Variants in FEZ1 observed in about 807,000 individuals in gnomAD.
FEZ1 encodes the protein fasciculation and elongation protein zeta 1, also known as fasciculation and elongation protein zeta-1.
In FEZ1, 20 loss-of-function variants were observed where a neutral mutation model predicts 49.3. That is an observed-to-expected ratio of 0.41 (90% confidence interval 0.29 to 0.59). FEZ1 has a LOEUF of 0.59. Ranked by LOEUF, FEZ1 falls within the 20% of genes least tolerant of loss-of-function variation. The probability of loss-of-function intolerance (pLI) is 0.36; values close to 1 mark genes in which losing one functional copy is unlikely to be tolerated. For missense variants in FEZ1, 413 were observed against 476.0 expected (o/e 0.87, Z 1.23); for synonymous variants, 170 against 180.9 (o/e 0.94, Z 0.48).
chr11:125,468,045 C>T (rs1957148882), intron 3 of FEZ1, among the ~76,000 whole-genome samples: 1 of 152,146 alleles, frequency 6.6e-6, no homozygotes, highest in Non-Finnish European at 1.5e-5. Context: ...GACATATTAA[C>T]TCAAGCAAAT....
chr11:125,482,934 T>C (rs949684945), intron 2 of FEZ1, among the ~76,000 whole-genome samples: 2 of 142,468 alleles, frequency 1.4e-5, no homozygotes, highest in Non-Finnish European at 3.0e-5. Flanking sequence ...GCCATGATTG[T>C]GTCACTGCTC....
chr11:125,477,176 G>C (rs1326328454), intron 3 of FEZ1, among the ~76,000 whole-genome samples: 3 of 151,862 alleles, frequency 2.0e-5, no homozygotes, highest in Non-Finnish European at 4.4e-5. Flanking sequence ...GATCTTTCTG[G>C]TGGGGATAGA....
At chr11:125,493,539 AAAGAAAG>A (rs1957425118) in intron 1 of FEZ1, among the ~76,000 whole-genome samples, 1 of 151,088 alleles carries the variant, frequency 6.6e-6, no homozygotes, top group Non-Finnish European at 1.5e-5. Flanking sequence ...AGAAAGAAAG[AAAGAAAG>A]AAAGAAAGGT....
intron 2 of FEZ1, among the ~76,000 whole-genome samples, chr11:125,485,074 TTA>T (rs933385047): frequency 1.3e-5 from 2 of 152,314 alleles, no homozygotes; most frequent in African/African-American, 4.8e-5. Context: ...CTATTTACTC[TTA>T]CCTTGGGGAA....
chr11:125,447,868 AATGGTATT>A (rs1956912852), intron 9 of FEZ1, among the ~76,000 whole-genome samples: 1 of 152,128 alleles, frequency 6.6e-6, no homozygotes, highest in Admixed American at 6.5e-5. Context: ...TTAGTTGTGA[AATGGTATT>A]ATGGCTATGT....
intron 7 of FEZ1, chr11:125,453,340 C>G (rs1956976235): frequency 6.6e-6 from 1 of 152,206 alleles, no homozygotes; most frequent in African/African-American, 2.4e-5. Context: ...GGCCATAGTT[C>G]TCACTGCCAT....
intron 6 of FEZ1, chr11:125,455,609 T>C: frequency 3.4e-6 from 2 of 596,934 alleles, no homozygotes; most frequent in Non-Finnish European, 6.0e-6. Flanking sequence ...ATTCAATTAT[T>C]TCCTAATGTA....
intron 3 of FEZ1, among the ~76,000 whole-genome samples, chr11:125,475,275 TACAC>T (rs67243081): frequency 0.34 from 48,090 of 141,604 alleles, 8,108 homozygotes; most frequent in South Asian, 0.49. Flanking sequence ...GTCTCAAAAA[TACAC>T]ACACACACAC....
At chr11:125,485,430 T>C (rs1957318315) in intron 2 of FEZ1, among the ~76,000 whole-genome samples, 1 of 152,154 alleles carries the variant, frequency 6.6e-6, no homozygotes, top group Non-Finnish European at 1.5e-5. Flanking sequence ...ATCAGGGTTC[T>C]CTCAGTCCTG....
chr11:125,490,299 C>G (rs1371771002), intron 1 of FEZ1, among the ~76,000 whole-genome samples: 2 of 152,210 alleles, frequency 1.3e-5, no homozygotes, highest in African/African-American at 4.8e-5. Context: ...CTAAACTCAT[C>G]TGGCAACTAA....
At chr11:125,478,946 C>T (rs1417337118) in intron 3 of FEZ1, among the ~76,000 whole-genome samples, 1 of 152,196 alleles carries the variant, frequency 6.6e-6, no homozygotes, top group Non-Finnish European at 1.5e-5. Context: ...CATGACGGAC[C>T]TGATTTAATT....
At chr11:125,491,521 C>T (rs1957381975) in intron 1 of FEZ1, among the ~76,000 whole-genome samples, 1 of 152,078 alleles carries the variant, frequency 6.6e-6, no homozygotes, top group Non-Finnish European at 1.5e-5. Flanking sequence ...CTATCATACC[C>T]TTCTCTACAC....
Position 125,477,594 on chromosome 11 carries a change from C to T in FEZ1, c.411+3940G>A, listed in dbSNP as rs147022179. 3.4e-3 allele frequency among the ~76,000 whole-genome samples: 512 copies of T among 152,260 alleles called. 1 individual carries two copies. The highest frequency in any genetic ancestry group is 0.012 in the African/African-American group (485 of 41,524). ...CAAACTAACCAAAGCCAAGCCCTGCCGCCTCTACCTGACCTTTACATCCCA... is the reference window on the plus strand; with the variant it reads ...CAAACTAACCAAAGCCAAGCCCTGCTGCCTCTACCTGACCTTTACATCCCA... On this transcript the variant is annotated intron_variant, in intron 3 of 9. Coordinates refer to ENST00000278919, the MANE Select transcript of FEZ1 (RefSeq NM_005103.5).
intron 8 of FEZ1, among the ~76,000 whole-genome samples, chr11:125,451,800 A>G (rs1336239419): frequency 6.6e-6 from 1 of 152,210 alleles, no homozygotes; most frequent in African/African-American, 2.4e-5. Flanking sequence ...TTAATATTTG[A>G]CAATAGAGCA....
chr11:125,480,145 T>C (rs543223739), intron 3 of FEZ1, among the ~76,000 whole-genome samples: 2 of 151,934 alleles, frequency 1.3e-5, no homozygotes, highest in Admixed American at 1.3e-4. Flanking sequence ...AGAGTCCGAG[T>C]TGGGTGGATT....
intron 3 of FEZ1, among the ~76,000 whole-genome samples, chr11:125,464,003 G>A (rs1234522835): frequency 6.6e-6 from 1 of 152,140 alleles, no homozygotes; most frequent in African/African-American, 2.4e-5. Flanking sequence ...GTCTTACTAG[G>A]CATTTTAAGG....
rs888174138 is a variant in FEZ1 at position 125,495,509 on chromosome 11, A to G, written c.-46+612T>C. 1 of 471,032 alleles carries G rather than the reference A, an allele frequency of 2.1e-6. No individual in the cohort carries two copies. The highest frequency in any genetic ancestry group is 4.4e-6 in the Non-Finnish European group (1 of 227,012). The allele number at this position is 471,032 out of a possible 1,614,324, so 29.2% of individuals were successfully genotyped here. The stretch of plus-strand genomic sequence containing the variant: ...TCTCCCGCCCGTCTGTAGTAAAACA[A>G]TCGCTCTCCCGGCGTCTGCGGCCGC... On this transcript the variant is annotated intron_variant, in intron 1 of 9. Transcript: ENST00000278919. The surrounding 1 kb of genome is among the most constrained non-coding windows in gnomAD (Gnocchi z 4.2).
chr11:125,473,863 A>G (rs925160627), intron 3 of FEZ1, among the ~76,000 whole-genome samples: 10 of 151,912 alleles, frequency 6.6e-5, no homozygotes, highest in Admixed American at 6.6e-5. Flanking sequence ...GAGATGGATC[A>G]TAGACCTAAA....
intron 3 of FEZ1, among the ~76,000 whole-genome samples, chr11:125,468,856 A>G (rs889660094): frequency 2.0e-5 from 3 of 152,166 alleles, no homozygotes; most frequent in African/African-American, 7.2e-5. Flanking sequence ...ATCAAGAATA[A>G]TGAGACCCAA....
Sources: allele counts gnomAD v4.1 joint callset (sites outside exome capture counted in the v4.1 genomes callset), GRCh38; gene constraint gnomAD v4.1.1; non-coding constraint Gnocchi (gnomAD v3.1); transcripts MANE v1.5; gene names NCBI Gene and HGNC (gene_info 2026-07-23, HGNC 2026-07-21).